Variants in NFIA observed in about 807,000 individuals in gnomAD.
NFIA encodes the protein nuclear factor 1 A-type.
A neutral mutation model predicts 62.8 loss-of-function variants in NFIA; 8 were observed. The observed-to-expected ratio is 0.13, with a 90% CI of 0.07 to 0.23. The LOEUF is 0.23. NFIA is among the 10% of genes least tolerant of loss of function. The probability of loss-of-function intolerance (pLI) is 1.00; values close to 1 mark genes in which losing one functional copy is unlikely to be tolerated. For synonymous variants in NFIA, 235 were observed against 238.1 expected (o/e 0.99, Z 0.12); for missense variants, 410 against 642.1 (o/e 0.64, Z 3.91).
chr1:61,390,508 C>T (rs1664919163), intron 7 of NFIA, among the ~76,000 whole-genome samples: 1 of 152,176 alleles, frequency 6.6e-6, no homozygotes, highest in Non-Finnish European at 1.5e-5. Flanking sequence ...CTATAAACCT[C>T]TCTAAGTCCA....
At chr1:61,326,024 T>G (rs1015999240) in intron 3 of NFIA, among the ~76,000 whole-genome samples, 17 of 151,846 alleles carry the variant, frequency 1.1e-4, no homozygotes, top group Non-Finnish European at 1.2e-4. Context: ...CCTTCTAAAT[T>G]GCACACATTC....
chr1:61,229,316 C>T (rs1213231379), intron 2 of NFIA, among the ~76,000 whole-genome samples: 1 of 152,036 alleles, frequency 6.6e-6, no homozygotes, highest in Non-Finnish European at 1.5e-5. Flanking sequence ...ATTACTCAGT[C>T]ATATATTCTG....
At chr1:61,182,302 A>T (rs549207818) in intron 2 of NFIA, among the ~76,000 whole-genome samples, 41 of 152,296 alleles carry the variant, frequency 2.7e-4, no homozygotes, top group Non-Finnish European at 4.7e-4. Context: ...ATTCACTGGG[A>T]TCTCTTGGAA....
At chr1:61,136,281 TAAC>T (rs1647189118) in intron 2 of NFIA, among the ~76,000 whole-genome samples, 1 of 152,234 alleles carries the variant, frequency 6.6e-6, no homozygotes, top group South Asian at 2.1e-4. Context: ...AAGACTGTCT[TAAC>T]AAGCATAGTT....
At position 61,406,542 on chromosome 1, in the gene NFIA, T is replaced by TGGGGGGGGGGGGGGGGGGG; in HGVS notation, c.1255-19_1255-18insGGGGGGGGGGGGGGGGGGG. 3.5e-5 allele frequency: 44 copies of TGGGGGGGGGGGGGGGGGGG among 1,253,794 alleles called. No homozygotes were observed. The highest frequency in any genetic ancestry group is 9.2e-5 in the East Asian group (3 of 32,730). The allele number at this position is 1,253,794 out of a possible 1,614,324, so 77.7% of individuals were successfully genotyped here. On this transcript the variant is annotated intron_variant, in intron 8 of 10. Transcript: ENST00000403491. ...TTCTTTTTCTTGTACGTGTGTTTTCTGCCCCCCCCCCCCCCACAGCCCAAT... is the reference window on the plus strand; with the variant it reads ...TTCTTTTTCTTGTACGTGTGTTTTCTGGGGGGGGGGGGGGGGGGGGCCCCCCCCCCCCCCACAGCCCAAT...
At chr1:61,394,567 G>A (rs1371909940) in intron 7 of NFIA, among the ~76,000 whole-genome samples, 1 of 152,198 alleles carries the variant, frequency 6.6e-6, no homozygotes. Context: ...CACAGGGAGT[G>A]AATGATTTTA....
chr1:61,437,622 ATAAAC>A (rs1471986971), intron 10 of NFIA, among the ~76,000 whole-genome samples: 1 of 152,244 alleles, frequency 6.6e-6, no homozygotes, highest in Non-Finnish European at 1.5e-5. Flanking sequence ...AGAAAAGTAA[ATAAAC>A]TAAGATGTGA....
chr1:61,179,432 G>T (rs1414665627), intron 2 of NFIA, among the ~76,000 whole-genome samples: 7 of 152,180 alleles, frequency 4.6e-5, no homozygotes, highest in African/African-American at 7.2e-5. Context: ...TCGAGTCTCA[G>T]TTTTCTCAGC....
intron 2 of NFIA, among the ~76,000 whole-genome samples, chr1:61,175,645 T>A (rs1246041805): frequency 6.6e-6 from 1 of 152,224 alleles, no homozygotes; most frequent in Non-Finnish European, 1.5e-5. Flanking sequence ...GAAGCCTTAT[T>A]CTAGTAGGCC....
intron 2 of NFIA, among the ~76,000 whole-genome samples, chr1:61,216,227 C>T (rs1653615261): frequency 6.6e-6 from 1 of 152,158 alleles, no homozygotes; most frequent in Non-Finnish European, 1.5e-5. Context: ...TTTGCATAAT[C>T]GTCCAGTGCT....
At chr1:61,154,856 C>T (rs1648681300) in intron 2 of NFIA, among the ~76,000 whole-genome samples, 1 of 152,190 alleles carries the variant, frequency 6.6e-6, no homozygotes, top group Admixed American at 6.5e-5. Flanking sequence ...TTAAAGCAGT[C>T]CACATCACAC....
At chr1:61,303,997 G>A (rs554152881) in intron 3 of NFIA, among the ~76,000 whole-genome samples, 116 of 151,346 alleles carry the variant, frequency 7.7e-4, no homozygotes, top group Non-Finnish European at 1.4e-3. Context: ...GACATTGGCC[G>A]GGCGCGGTGG....
intron 2 of NFIA, among the ~76,000 whole-genome samples, chr1:61,176,999 G>C (rs369356531): frequency 1.4e-4 from 22 of 152,002 alleles, no homozygotes; most frequent in African/African-American, 5.3e-4. Flanking sequence ...CCAGCTACTC[G>C]GCAGGCTGAG....
intron 4 of NFIA, among the ~76,000 whole-genome samples, chr1:61,350,838 A>G (rs1205461509): frequency 6.6e-6 from 1 of 152,136 alleles, no homozygotes; most frequent in Admixed American, 6.6e-5. Context: ...CTTTCCTTTT[A>G]ACATTGTTTC....
At chr1:61,443,746 G>A (rs899896533) in intron 10 of NFIA, among the ~76,000 whole-genome samples, 5 of 152,190 alleles carry the variant, frequency 3.3e-5, no homozygotes, top group Non-Finnish European at 5.9e-5. Context: ...AAGTTGAGAA[G>A]GAGAGTCCTT....
intron 2 of NFIA, among the ~76,000 whole-genome samples, chr1:61,133,256 C>T (rs987231818): frequency 6.0e-5 from 9 of 149,744 alleles, no homozygotes; most frequent in South Asian, 2.1e-4. Context: ...GGAAGGGAGG[C>T]GGGAGTGGCT....
At chr1:61,338,581 CTA>C (rs1354674877) in intron 4 of NFIA, among the ~76,000 whole-genome samples, 2 of 152,190 alleles carry the variant, frequency 1.3e-5, no homozygotes, top group African/African-American at 4.8e-5. Flanking sequence ...TTAGTAAGAA[CTA>C]TTGGCAATAT....
At chr1:61,218,768 A>G (rs999132617) in intron 2 of NFIA, among the ~76,000 whole-genome samples, 5 of 152,206 alleles carry the variant, frequency 3.3e-5, no homozygotes, top group Admixed American at 6.5e-5. Context: ...TGTGAAACCA[A>G]TTCTGTGATG....
chr1:61,256,748 C>T (rs1656422634), intron 2 of NFIA, among the ~76,000 whole-genome samples: 2 of 152,126 alleles, frequency 1.3e-5, no homozygotes, highest in African/African-American at 4.8e-5. Context: ...ATATGGTTTA[C>T]ACAGGTCTGT....
Sources: allele counts gnomAD v4.1 joint callset (sites outside exome capture counted in the v4.1 genomes callset), GRCh38; gene constraint gnomAD v4.1.1; transcripts MANE v1.5; gene names NCBI Gene and HGNC (gene_info 2026-07-23, HGNC 2026-07-21).